Variants in SIPA1L2 observed in about 807,000 individuals in gnomAD.
SIPA1L2 encodes signal-induced proliferation-associated 1-like protein 2.
SIPA1L2 carries 56 observed loss-of-function variants against 163.9 expected under a neutral mutation model. The observed-to-expected ratio is 0.34, with a 90% CI of 0.28 to 0.43. SIPA1L2 has a LOEUF of 0.43. Among genes scored for constraint, SIPA1L2 ranks in the 20% least tolerant of loss-of-function variants. The pLI is 1.00. For missense variants in SIPA1L2, 1,974 were observed against 2,193.5 expected (o/e 0.90, Z 2.00); for synonymous variants, 877 against 865.7 (o/e 1.01, Z -0.23).
chr1:232,439,720 C>G (rs1662779237), intron 14 of SIPA1L2, among the ~76,000 whole-genome samples: 2 of 152,150 alleles, frequency 1.3e-5, no homozygotes, highest in Admixed American at 1.3e-4. Flanking sequence ...AAATGGGTAT[C>G]TTTAAGTCTT....
chr1:232,468,493 G>A (rs1203273876), intron 8 of SIPA1L2, among the ~76,000 whole-genome samples: 1 of 152,114 alleles, frequency 6.6e-6, no homozygotes, highest in East Asian at 1.9e-4. Context: ...GTGCCTCCCT[G>A]CCCTCATCTG....
In SIPA1L2 at chr1:232,619,412, G is replaced by A. The variant is rs566242615; in HGVS notation, c.-319+10457C>T. On this transcript the variant is annotated intron_variant, in intron 1 of 22. Transcript: ENST00000674635. ...ACACATAGCCATCAACTCTGCCCAA[G>A]TTAGTTAGTTCATCACCTAAGAAGG... 5.3e-5 allele frequency among the ~76,000 whole-genome samples: 8 copies of A among 152,340 alleles called. No homozygotes were observed. In the South Asian group the frequency reaches 1.7e-3, roughly 32 times the overall value.
intron 10 of SIPA1L2, among the ~76,000 whole-genome samples, chr1:232,450,487 G>A (rs1398005362): frequency 1.3e-5 from 2 of 152,200 alleles, no homozygotes; most frequent in Non-Finnish European, 2.9e-5. Context: ...GATGCTCTAA[G>A]CGTCACTGGA....
chr1:232,454,712 T>C (rs552208450), intron 10 of SIPA1L2, among the ~76,000 whole-genome samples: 9 of 152,184 alleles, frequency 5.9e-5, no homozygotes, highest in Non-Finnish European at 1.2e-4. Context: ...ATTCCTCTTA[T>C]TGTGATGGTA....
intron 8 of SIPA1L2, among the ~76,000 whole-genome samples, chr1:232,467,253 A>G (rs151306986): frequency 2.1e-3 from 321 of 152,334 alleles, no homozygotes; most frequent in Middle Eastern, 3.4e-3. Context: ...AGATACACCG[A>G]ACTCATCAAT....
chr1:232,528,035 C>T (rs550731695), intron 2 of SIPA1L2, among the ~76,000 whole-genome samples: 2 of 145,854 alleles, frequency 1.4e-5, no homozygotes, highest in Admixed American at 7.0e-5. Context: ...AAACAGAACA[C>T]CCAACAGTGA....
At chr1:232,577,860 G>C (rs191165836) in intron 1 of SIPA1L2, among the ~76,000 whole-genome samples, 1 of 152,202 alleles carries the variant, frequency 6.6e-6, no homozygotes, top group Non-Finnish European at 1.5e-5. Flanking sequence ...TATGAACATT[G>C]TTGCAAAGGA....
At chr1:232,445,881 G>GTGAT in intron 10 of SIPA1L2, 95 bp from the exon 11 acceptor site, 12 of 1,373,376 alleles carry the variant, frequency 8.7e-6, no homozygotes, top group African/African-American at 1.4e-5. Flanking sequence ...CACATCACAT[G>GTGAT]GTGTGTGCCT....
intron 2 of SIPA1L2, among the ~76,000 whole-genome samples, chr1:232,520,922 T>C (rs1449835347): frequency 6.6e-6 from 1 of 152,234 alleles, no homozygotes; most frequent in African/African-American, 2.4e-5. Context: ...AAACAACCCA[T>C]TAACTCACAT....
At chr1:232,616,948 T>G (rs1021849761) in intron 1 of SIPA1L2, among the ~76,000 whole-genome samples, 1 of 152,218 alleles carries the variant, frequency 6.6e-6, no homozygotes, top group East Asian at 1.9e-4. Context: ...CTCTTCAGCA[T>G]AAGTGATTGA....
Position 232,406,826 on chromosome 1 carries a change from G to A in SIPA1L2, c.4763-2648C>T, listed in dbSNP as rs563444550. On this transcript the variant is annotated intron_variant, in intron 19 of 22. Coordinates refer to ENST00000674635, the MANE Select transcript of SIPA1L2 (RefSeq NM_020808.5). ...CATGCCAGATGGAACATCCAAGTAC[G>A]AGGCTAGTTGAAATTAAACCTATTT... is the stretch of plus-strand genomic sequence containing the variant. Among the ~76,000 whole-genome samples, 10 of 152,358 alleles carry A rather than the reference G, an allele frequency of 6.6e-5. No homozygotes were observed. In the South Asian group the frequency reaches 1.0e-3, roughly 16 times the overall value.
intron 3 of SIPA1L2, among the ~76,000 whole-genome samples, chr1:232,508,115 A>G (rs1468659612): frequency 6.6e-6 from 1 of 152,160 alleles, no homozygotes; most frequent in Non-Finnish European, 1.5e-5. Context: ...CCCCCACTAC[A>G]TTCAGAGGAA....
chr1:232,444,078 C>A (rs1394926093), intron 11 of SIPA1L2, among the ~76,000 whole-genome samples: 4 of 152,166 alleles, frequency 2.6e-5, no homozygotes, highest in Non-Finnish European at 5.9e-5. Context: ...TAGTTCTATA[C>A]TTAAAACTTA....
At chr1:232,438,962 C>T (rs1662726207) in intron 15 of SIPA1L2, 146 bp downstream of exon 15, 1 of 718,908 alleles carries the variant, frequency 1.4e-6, no homozygotes, top group South Asian at 2.7e-5. Flanking sequence ...AGAAACAAGC[C>T]CTTCCTCTGA....
chr1:232,415,643 C>T lies in SIPA1L2; in HGVS notation c.4631-18G>A. The stretch of plus-strand genomic sequence containing the variant: ...GAACTCATCTAAACAGAAACAAAAC[C>T]AGAGAGTCAGTCATCAGTCACAGCA... On this transcript the variant is annotated intron_variant, in intron 18 of 22. Transcript: ENST00000674635. The T allele has an allele frequency of 6.2e-7, 1 of 1,613,666 alleles. No individual in the cohort carries two copies. The highest frequency in any genetic ancestry group is 8.5e-7 in the Non-Finnish European group (1 of 1,179,848).
Position 232,445,638 on chromosome 1 carries a change from G to A in SIPA1L2, c.3244C>T (p.Pro1082Ser). 3 of 1,613,954 alleles carry A rather than the reference G, an allele frequency of 1.9e-6. No homozygotes were observed. Among genetic ancestry groups the A allele is most frequent in the South Asian group, 2.2e-5 (2 of 91,054 alleles). Residue 1082 changes from proline to serine, a missense_variant, in exon 11 of 23, where the codon CCC (proline) becomes TCC (serine). Physicochemically the swap from Pro to Ser is moderately conservative, Grantham distance 74. Transcript: ENST00000674635. Reference protein sequence around the residue: ...PALQPLSRASPIPGTPDRLPC... With the variant: ...PALQPLSRASSIPGTPDRLPC... ...AGCCGGTCGGGCGTGCCGGGGATGG[G>A]GGAAGCTCTAGAGAGGGGCTGCAGG...
intron 21 of SIPA1L2, 83 bp downstream of exon 21, chr1:232,403,365 G>A: frequency 6.5e-6 from 10 of 1,536,542 alleles, no homozygotes; most frequent in African/African-American, 4.1e-5. Context: ...TCGCCCGCCT[G>A]GCTCAGGGTT....
intron 1 of SIPA1L2, among the ~76,000 whole-genome samples, chr1:232,604,266 T>C (rs1002848497): frequency 2.0e-5 from 3 of 152,248 alleles, no homozygotes; most frequent in East Asian, 1.9e-4. Context: ...TTTTTGTATT[T>C]TGACTTTAAA....
At chr1:232,552,400 G>A (rs945216718) in intron 2 of SIPA1L2, among the ~76,000 whole-genome samples, 3 of 151,826 alleles carry the variant, frequency 2.0e-5, no homozygotes, top group Admixed American at 6.6e-5. Flanking sequence ...GTAAATATTC[G>A]TTTTCTGCTT....
Sources: gnomAD v4.1 joint callset for allele counts (sites outside exome capture counted in the v4.1 genomes callset) on GRCh38, gnomAD v4.1.1 for gene constraint, MANE v1.5 for transcripts, NCBI Gene and HGNC (gene_info 2026-07-23, HGNC 2026-07-21) for gene names.